The following CRBN variants were observed in gnomAD, a reference collection of about 807,000 sequenced individuals.
The protein encoded by CRBN is cereblon.
A neutral mutation model predicts 62.2 loss-of-function variants in CRBN; 53 were observed. The observed-to-expected ratio is 0.85, with a 90% confidence interval of 0.68 to 1.07. The LOEUF (loss-of-function observed/expected upper bound fraction) is 1.07. Among genes scored for constraint, CRBN ranks in the 50% least tolerant of loss-of-function variants. CRBN has a pLI of 0.00. For missense variants in CRBN, 616 were observed against 531.1 expected (o/e 1.16, Z -1.57); for synonymous variants, 208 against 176.1 (o/e 1.18, Z -1.43).
In CRBN at chr3:3,166,984, A is replaced by G. The variant is rs573188187; in HGVS notation, c.687+650T>C. Among the ~76,000 whole-genome samples the G allele has an allele frequency of 7.9e-5, 12 of 152,138 alleles. No individual in the cohort carries two copies. The South Asian group carries it at 2.5e-3, about 32-fold the overall frequency. On this transcript the variant is annotated intron_variant, in intron 5 of 10. Coordinates refer to ENST00000231948, the MANE Select transcript of CRBN (RefSeq NM_016302.4). ...AATTATTCTAAATTTAGAAACTAGT[A>G]ATCTTTTTCTTTAGGTAGCAATTAT...
rs747225041 is a variant in CRBN at position 3,150,844 on chromosome 3, C to G, written c.*21G>C. The G allele has an allele frequency of 6.2e-7, 1 of 1,607,232 alleles. No individual in the cohort carries two copies. The highest frequency in any genetic ancestry group is 1.1e-5 in the South Asian group (1 of 90,634). On this transcript the variant is annotated 3_prime_UTR_variant, in exon 11 of 11. Coordinates refer to ENST00000231948, the MANE Select transcript of CRBN (RefSeq NM_016302.4). ...AGAATATAACCAATTTGTTAGATAA[C>G]TTTATCTCTATCACATCTGTTTACA...
intron 1 of CRBN, among the ~76,000 whole-genome samples, chr3:3,177,517 T>C (rs1707874806): frequency 6.6e-6 from 1 of 152,220 alleles, no homozygotes; most frequent in South Asian, 2.1e-4. Context: ...AAGAGCTATC[T>C]AAATGGATGA....
intron 5 of CRBN, among the ~76,000 whole-genome samples, chr3:3,161,500 T>C (rs1161375269): frequency 6.6e-6 from 1 of 152,212 alleles, no homozygotes; most frequent in East Asian, 1.9e-4. Flanking sequence ...GTGATTCTCC[T>C]GCCTCAGCGT....
chr3:3,159,233 C>G (rs928649003), intron 5 of CRBN, among the ~76,000 whole-genome samples: 3 of 152,066 alleles, frequency 2.0e-5, no homozygotes, highest in African/African-American at 7.2e-5. Flanking sequence ...TACATTTAGG[C>G]TATGCCAGTG....
chr3:3,179,699 C>T, upstream of CRBN: 2 of 1,612,456 alleles, frequency 1.2e-6, no homozygotes, highest in Non-Finnish European at 1.7e-6. Context: ...TCTGTTTACC[C>T]GCAAAGGAGG....
chr3:3,177,196 A>G (rs1707858719), intron 1 of CRBN, among the ~76,000 whole-genome samples: 1 of 152,108 alleles, frequency 6.6e-6, no homozygotes, highest in Non-Finnish European at 1.5e-5. Context: ...CTCATTTCTC[A>G]CCTCCCAGTT....
intron 4 of CRBN, among the ~76,000 whole-genome samples, chr3:3,168,539 A>T (rs1707450705): frequency 6.6e-6 from 1 of 152,180 alleles, no homozygotes; most frequent in African/African-American, 2.4e-5. Context: ...CTTAGAGTGT[A>T]GCTTCTGAAA....
At position 3,150,698 on chromosome 3, in the gene CRBN, A is replaced by T. The variant is rs954423886; in HGVS notation, c.*167T>A. 1 of 658,832 alleles carries T rather than the reference A, an allele frequency of 1.5e-6. No homozygotes were observed. Among genetic ancestry groups the T allele is most frequent in the Non-Finnish European group, 2.5e-6 (1 of 395,210 alleles). 40.8% of individuals were successfully genotyped at this position (658,832 alleles called of 1,614,324 possible). Reference sequence around the variant, plus strand: ...GCTTGTTTCCTAAAGTATACTTAAAAGTTTCAAATACAGTTTCACTTAGAA... The same window carrying T: ...GCTTGTTTCCTAAAGTATACTTAAATGTTTCAAATACAGTTTCACTTAGAA... On this transcript the variant is annotated 3_prime_UTR_variant, in exon 11 of 11. Transcript: ENST00000231948.
At chr3:3,171,881 G>T (rs1707631548) in intron 4 of CRBN, among the ~76,000 whole-genome samples, 2 of 152,202 alleles carry the variant, frequency 1.3e-5, no homozygotes, top group African/African-American at 2.4e-5. Context: ...TTCAACTGTG[G>T]GTATAAATTG....
downstream of CRBN, chr3:3,149,745 A>G (rs927617673): frequency 4.6e-5 from 7 of 152,176 alleles, no homozygotes; most frequent in Non-Finnish European, 8.8e-5. Flanking sequence ...ATTTACATAA[A>G]TATGCAGTGT....
At chr3:3,154,911 T>C in intron 6 of CRBN, 80 bp from the exon 7 acceptor site, 2 of 811,030 alleles carry the variant, frequency 2.5e-6, no homozygotes, top group South Asian at 1.4e-5. Flanking sequence ...CTCTTAAAAC[T>C]AACACTGGTA....
intron 5 of CRBN, among the ~76,000 whole-genome samples, chr3:3,163,863 C>T (rs1175986025): frequency 6.6e-6 from 1 of 152,174 alleles, no homozygotes; most frequent in Admixed American, 6.5e-5. Flanking sequence ...AACCCTGTTT[C>T]AAGCAAGTCT....
downstream of CRBN, chr3:3,149,835 C>T (rs901708681): frequency 1.3e-5 from 2 of 152,050 alleles, no homozygotes; most frequent in Admixed American, 6.6e-5. Flanking sequence ...AAACATTTAA[C>T]CTGATTAGTT....
Position 3,156,289 on chromosome 3 carries a change from C to T in CRBN, c.688-8G>A. ...TGCACAATGAAACTTTCTCTGAAAA[C>T]AAAACAAAAAGGCACTTAAAAAACC... is the stretch of plus-strand genomic sequence containing the variant. On this transcript the variant is annotated splice_region_variant and splice_polypyrimidine_tract_variant and intron_variant, in intron 5 of 10. Coordinates refer to ENST00000231948, the MANE Select transcript of CRBN (RefSeq NM_016302.4). 6.2e-7 allele frequency: 1 copy of T among 1,613,246 alleles called. No individual in the cohort carries two copies. Among genetic ancestry groups the T allele is most frequent in the Non-Finnish European group, 8.5e-7 (1 of 1,179,510 alleles).
At chr3:3,168,642 A>T (rs545949622) in intron 4 of CRBN, among the ~76,000 whole-genome samples, 1 of 152,180 alleles carries the variant, frequency 6.6e-6, no homozygotes, top group African/African-American at 2.4e-5. Context: ...TATTAGTTAT[A>T]CTTAAGACTT....
At chr3:3,176,435 T>C (rs913519355) in intron 1 of CRBN, among the ~76,000 whole-genome samples, 1 of 152,180 alleles carries the variant, frequency 6.6e-6, no homozygotes, top group East Asian at 1.9e-4. Flanking sequence ...TGGCAGTCGC[T>C]ACATTATCTT....
At chr3:3,158,836 G>A (rs1326633581) in intron 5 of CRBN, among the ~76,000 whole-genome samples, 2 of 152,264 alleles carry the variant, frequency 1.3e-5, no homozygotes, top group Admixed American at 6.5e-5. Context: ...GCCTGATAGG[G>A]TTTGGCCGTG....
At chr3:3,173,050 A>T in intron 3 of CRBN, 125 bp from the exon 4 acceptor site, 1 of 763,126 alleles carries the variant, frequency 1.3e-6, no homozygotes, top group Non-Finnish European at 2.3e-6. Context: ...AAGCTAGGAT[A>T]ATTTTATTTA....
intron 1 of CRBN, among the ~76,000 whole-genome samples, chr3:3,176,934 T>C (rs1424250810): frequency 6.6e-6 from 1 of 152,212 alleles, no homozygotes; most frequent in Non-Finnish European, 1.5e-5. Flanking sequence ...AGTCTGTCCT[T>C]TTCATACAAA....
Sources: gnomAD v4.1 joint callset for allele counts (sites outside exome capture counted in the v4.1 genomes callset) on GRCh38, gnomAD v4.1.1 for gene constraint, MANE v1.5 for transcripts, NCBI Gene and HGNC (gene_info 2026-07-23, HGNC 2026-07-21) for gene names.